The following DENND3 variants were observed in gnomAD, a reference collection of about 807,000 sequenced individuals.
DENND3 encodes DENN domain containing 3.
In DENND3, 88 loss-of-function variants were observed where a neutral mutation model predicts 135.1. The observed-to-expected ratio is 0.65, with a 90% CI of 0.55 to 0.78. DENND3 has a LOEUF of 0.78. Ranked by LOEUF, DENND3 falls within the 30% of genes least tolerant of loss-of-function variation. DENND3 has a pLI of 0.00. For missense variants in DENND3, 1,392 were observed against 1,688.4 expected, an observed-to-expected ratio of 0.82 and a Z score of 3.08; for synonymous variants, 693 against 712.3, an observed-to-expected ratio of 0.97 and a Z score of 0.43.
At chr8:141,188,709 G>T in intron 18 of DENND3, 2 of 394,814 alleles carry the variant, frequency 5.1e-6, no homozygotes. Flanking sequence ...GGTTCAGGCC[G>T]CAGTGACAGT....
In DENND3 at chr8:141,175,095, G is replaced by T. The variant is rs1412190202; in HGVS notation, c.2276-105G>T. 7.2e-7 allele frequency: 1 copy of T among 1,385,162 alleles called. No individual in the cohort carries two copies. Among genetic ancestry groups the T allele is most frequent in the Non-Finnish European group, 9.7e-7 (1 of 1,026,462 alleles). The allele number at this position is 1,385,162 out of a possible 1,614,324, so 85.8% of individuals were successfully genotyped here. A position where few individuals can be genotyped will look rare whatever the true frequency, so the allele number is the denominator to read the frequency against. Reference sequence around the variant, plus strand: ...GCCCTGAGTGCTGGCGCCACCTGCTGCCGGGTTCCGGTAGTGTGCGGTTTC... The same window carrying T: ...GCCCTGAGTGCTGGCGCCACCTGCTTCCGGGTTCCGGTAGTGTGCGGTTTC... On this transcript the variant is annotated intron_variant, in intron 13 of 22. Transcript: ENST00000519811. This position sits in a 1 kb window ranked among gnomAD's most constrained non-coding sequence, Gnocchi z 5.4.
intron 8 of DENND3, chr8:141,158,365 G>A (rs1167171855): frequency 8.6e-7 from 1 of 1,163,856 alleles, no homozygotes. Context: ...CTGTGTTGAA[G>A]CTCTGAGCAT....
chr8:141,163,764 TGGGTGTGGTAGTGCAC>T (rs937265604), intron 10 of DENND3, among the ~76,000 whole-genome samples: 1 of 151,778 alleles, frequency 6.6e-6, no homozygotes, highest in Non-Finnish European at 1.5e-5. Flanking sequence ...AAAAATTAGC[TGGGTGTGGTAGTGCAC>T]GCCTGTAATC....
At chr8:141,140,023 C>T (rs1817265078) in intron 3 of DENND3, among the ~76,000 whole-genome samples, 1 of 152,228 alleles carries the variant, frequency 6.6e-6, no homozygotes, top group Middle Eastern at 3.4e-3. Flanking sequence ...GTGATTCTCC[C>T]ACCTCAGCCT....
Position 141,154,656 on chromosome 8 carries a change from G to T in DENND3, c.1075-1193G>T, listed in dbSNP as rs1819228534. On this transcript the variant is annotated intron_variant, in intron 7 of 22. Coordinates refer to ENST00000519811, the MANE Select transcript of DENND3 (RefSeq NM_001352890.3). The surrounding 1 kb of genome is among the most constrained non-coding windows in gnomAD (Gnocchi z 4.4). ...CAGCTCACTGCAACCTCCGCCTCCT[G>T]GGTTCAAGCGATTCTCCTGCCTCAG... Among the ~76,000 whole-genome samples, 1 of 151,778 alleles carries T rather than the reference G, an allele frequency of 6.6e-6. No homozygotes were observed. Among genetic ancestry groups the T allele is most frequent in the Admixed American group, 6.6e-5 (1 of 15,232 alleles).
intron 13 of DENND3, among the ~76,000 whole-genome samples, chr8:141,170,950 C>T (rs1821473887): frequency 6.6e-6 from 1 of 152,214 alleles, no homozygotes; most frequent in Non-Finnish European, 1.5e-5. Context: ...CACACAGTGC[C>T]TTCTGTTTCC....
At position 141,182,514 on chromosome 8, in the gene DENND3, C is replaced by T. The variant is rs2154613420; in HGVS notation, c.2944+1660C>T. 1.0e-6 allele frequency: 1 copy of T among 984,732 alleles called. No individual in the cohort carries two copies. Among genetic ancestry groups the T allele is most frequent in the East Asian group, 1.1e-4 (1 of 8,808 alleles). The allele number at this position is 984,732 out of a possible 1,614,324, so 61.0% of individuals were successfully genotyped here. ...TATTTTTAGGTCCCGGTTGGTTTCC[C>T]TGAAATGAAACTCACTCTGAGCTTC... On this transcript the variant is annotated intron_variant, in intron 17 of 22. Coordinates refer to ENST00000519811, the MANE Select transcript of DENND3 (RefSeq NM_001352890.3). The surrounding 1 kb of genome is among the most constrained non-coding windows in gnomAD (Gnocchi z 5.9).
At chr8:141,153,092 C>CTTT (rs35650187) in intron 7 of DENND3, among the ~76,000 whole-genome samples, 10 of 119,368 alleles carry the variant, frequency 8.4e-5, no homozygotes, top group Non-Finnish European at 1.4e-4. Flanking sequence ...CAATATCTTT[C>CTTT]TTTTTTTTTT....
At position 141,182,549 on chromosome 8, in the gene DENND3, C is replaced by T. The variant is rs10090848; in HGVS notation, c.2944+1695C>T. 141,172 of 957,540 alleles carry T rather than the reference C, an allele frequency of 0.15. 10,896 individuals carry two copies. Among genetic ancestry groups the T allele is most frequent in the East Asian group, 0.42 (3,639 of 8,598 alleles). The allele number at this position is 957,540 out of a possible 1,614,324, so 59.3% of individuals were successfully genotyped here. On this transcript the variant is annotated intron_variant, in intron 17 of 22. Coordinates refer to ENST00000519811, the MANE Select transcript of DENND3 (RefSeq NM_001352890.3). The surrounding 1 kb of genome is among the most constrained non-coding windows in gnomAD (Gnocchi z 5.9). The stretch of plus-strand genomic sequence containing the variant: ...ACTCACTCTGAGCTTCCTGTTGTGA[C>T]GGGCGAGGAGTTCAGGCGGCTTCCC...
rs770767532 is a variant in DENND3 at position 141,155,876 on chromosome 8, A to G, written c.1102A>G (p.Ile368Val). ...KEADGLVLIN[I>V]DHGSITYSKS... Reference sequence around the variant, plus strand: ...AGCCGACGGTTTAGTTCTGATAAATATTGATCATGGGAGCATCACCTACTC... The same window carrying G: ...AGCCGACGGTTTAGTTCTGATAAATGTTGATCATGGGAGCATCACCTACTC... Residue 368 changes from isoleucine (I) to valine (V), a missense_variant, in exon 8 of 23, where the codon ATT becomes GTT. Transcript: ENST00000519811. 6.2e-7 allele frequency: 1 copy of G among 1,609,946 alleles called. No individual in the cohort carries two copies.
rs1440766032 is a variant in DENND3, at chr8:141,194,304, G to A, written c.*71G>A. On this transcript the variant is annotated 3_prime_UTR_variant, in exon 23 of 23. Transcript: ENST00000519811. ...CTGGCTGCCCCCTAGAGCCTGCCAG[G>A]AGCAGAAGCCTGGAGGGGTGGCAGG... The A allele has an allele frequency of 1.3e-6, 2 of 1,546,864 alleles. No individual in the cohort carries two copies. Among genetic ancestry groups the A allele is most frequent in the South Asian group, 1.2e-5 (1 of 83,694 alleles).
chr8:141,136,622 C>T lies in DENND3; in HGVS notation c.216C>T (p.Asn72=). The T allele has an allele frequency of 6.2e-7, 1 of 1,608,226 alleles. No homozygotes were observed. Among genetic ancestry groups the T allele is most frequent in the Non-Finnish European group, 8.5e-7 (1 of 1,177,646 alleles). Residue 72 remains asparagine (N), a synonymous_variant, in exon 2 of 23, where the codon AAC becomes AAT. Coordinates refer to ENST00000519811, the MANE Select transcript of DENND3 (RefSeq NM_001352890.3). ...AGGACAGTCAAATGGCCGGTGCCAA[C>T]TGCGGCACTCTCGGTAAAACCCGGA... is the stretch of plus-strand genomic sequence containing the variant. ...SKEDSQMAGA[N]CGTLGKTRMR... is the part of the protein sequence containing the mutation.
chr8:141,184,294 A>G (rs1258443739), intron 17 of DENND3, among the ~76,000 whole-genome samples: 1 of 152,164 alleles, frequency 6.6e-6, no homozygotes, highest in Admixed American at 6.5e-5. Flanking sequence ...ATACAGCACC[A>G]TGGAGTCAGT....
At chr8:141,158,786 G>A (rs554702467) in intron 8 of DENND3, among the ~76,000 whole-genome samples, 2 of 152,278 alleles carry the variant, frequency 1.3e-5, no homozygotes, top group East Asian at 3.9e-4. Context: ...GATGGAAGTC[G>A]CTCTCTCCCT....
rs1405169503 is a variant in DENND3, at chr8:141,146,659, T to G, written c.735+2400T>G. On this transcript the variant is annotated intron_variant, in intron 5 of 22. Coordinates refer to ENST00000519811, the MANE Select transcript of DENND3 (RefSeq NM_001352890.3). The surrounding 1 kb of genome is among the most constrained non-coding windows in gnomAD (Gnocchi z 4.3). ...GACACATGATTGTGAACTTAAAATG[T>G]GCGTTTTTAACATTACCCCAACCCC... Among the ~76,000 whole-genome samples the G allele has an allele frequency of 1.3e-5, 2 of 152,222 alleles. No homozygotes were observed. Among genetic ancestry groups the G allele is most frequent in the African/African-American group, 4.8e-5 (2 of 41,458 alleles).
chr8:141,177,988 C>A, intron 15 of DENND3, 79 bp from the exon 16 acceptor site: 1 of 1,508,114 alleles, frequency 6.6e-7, no homozygotes, highest in South Asian at 1.3e-5. Flanking sequence ...AAGGATTGTC[C>A]TGTGTGTTGC....
Position 141,188,118 on chromosome 8 carries a change from C to T in DENND3, c.3085-868C>T, listed in dbSNP as rs142781270. 1.6e-3 allele frequency among the ~76,000 whole-genome samples: 209 copies of T among 133,152 alleles called. 1 individual carries two copies. Among genetic ancestry groups the T allele is most frequent in the African/African-American group, 5.7e-3 (199 of 34,798 alleles). The allele number at this position is 133,152 out of a possible 152,430, so 87.4% of individuals were successfully genotyped here. A position where few individuals can be genotyped will look rare whatever the true frequency, so the allele number is the denominator to read the frequency against. On this transcript the variant is annotated intron_variant, in intron 18 of 22. Transcript: ENST00000519811. ...GCCCATGGCTGTAGTCCCGGCTACT[C>T]GGGGGTCTGAAGCGGGAGAATCGCT... is the stretch of plus-strand genomic sequence containing the variant.
intron 8 of DENND3, among the ~76,000 whole-genome samples, 173 bp from the exon 9 acceptor site, chr8:141,160,459 C>T (rs949663789): frequency 1.4e-4 from 22 of 152,220 alleles, no homozygotes; most frequent in Non-Finnish European, 1.2e-4. Flanking sequence ...GGATTACAGG[C>T]GTGAGCCACC....
intron 8 of DENND3, among the ~76,000 whole-genome samples, chr8:141,158,734 C>G (rs1320003400): frequency 6.6e-6 from 1 of 152,200 alleles, no homozygotes. Flanking sequence ...TCCCCAGCAC[C>G]CTTGGCTCTT....
Sources: allele counts gnomAD v4.1 joint callset (sites outside exome capture counted in the v4.1 genomes callset), GRCh38; gene constraint gnomAD v4.1.1; non-coding constraint Gnocchi (gnomAD v3.1); transcripts MANE v1.5; gene names NCBI Gene and HGNC (gene_info 2026-07-23, HGNC 2026-07-21).